RBFOX1: variants seen among roughly 807,000 people sequenced by gnomAD.
RBFOX1 encodes the protein RNA binding protein fox-1 homolog 1.
RBFOX1 carries 8 observed loss-of-function variants against 57.7 expected under a neutral mutation model. That is an observed-to-expected ratio of 0.14 (90% CI 0.08 to 0.25). The LOEUF (loss-of-function observed/expected upper bound fraction) is 0.25. Ranked by LOEUF, RBFOX1 falls within the 10% of genes least tolerant of loss-of-function variation. The pLI is 1.00. For missense variants in RBFOX1, 611 were observed against 548.5 expected, an observed-to-expected ratio of 1.11 and a Z score of -1.14; for synonymous variants, 326 against 222.4, an observed-to-expected ratio of 1.47 and a Z score of -4.15.
chr16:5,921,250 CAT>C (rs1415790851), intron 4 of RBFOX1, among the ~76,000 whole-genome samples: 7 of 152,212 alleles, frequency 4.6e-5, no homozygotes, highest in African/African-American at 1.4e-4. Context: ...TGTAGCTTCT[CAT>C]GTGACCAGGA....
intron 4 of RBFOX1, among the ~76,000 whole-genome samples, chr16:7,188,064 G>C (rs1026562972): frequency 6.6e-6 from 1 of 152,062 alleles, no homozygotes; most frequent in Non-Finnish European, 1.5e-5. Context: ...ACTTTTCTCT[G>C]TTTCTCACAT....
intron 1 of RBFOX1, among the ~76,000 whole-genome samples, chr16:6,061,217 A>G (rs112615143): frequency 2.0e-5 from 3 of 152,244 alleles, no homozygotes; most frequent in African/African-American, 7.2e-5. Flanking sequence ...GGGACCCACT[A>G]TAGCAATTGA....
chr16:7,564,140 A>C (rs1264595742), intron 5 of RBFOX1, among the ~76,000 whole-genome samples: 1 of 152,074 alleles, frequency 6.6e-6, no homozygotes. Flanking sequence ...TTTGGAAGGT[A>C]ATTAGGTTAA....
At chr16:6,456,215 A>G (rs1047448771) in intron 2 of RBFOX1, among the ~76,000 whole-genome samples, 1 of 152,162 alleles carries the variant, frequency 6.6e-6, no homozygotes, top group Non-Finnish European at 1.5e-5. Flanking sequence ...AGAATTATGT[A>G]TTTCTGTAAA....
intron 3 of RBFOX1, among the ~76,000 whole-genome samples, chr16:5,616,397 C>T (rs906606288): frequency 1.4e-4 from 22 of 152,176 alleles, no homozygotes; most frequent in Non-Finnish European, 2.1e-4. Context: ...GAGGTCCAGG[C>T]GCTGCTCCTG....
At chr16:7,038,073 C>G (rs2045060436) in intron 3 of RBFOX1, among the ~76,000 whole-genome samples, 2 of 151,900 alleles carry the variant, frequency 1.3e-5, no homozygotes, top group Admixed American at 6.6e-5. Context: ...TATGTAAATC[C>G]CCCACTTGCC....
At chr16:6,971,793 G>T (rs963760900) in intron 3 of RBFOX1, among the ~76,000 whole-genome samples, 1 of 152,052 alleles carries the variant, frequency 6.6e-6, no homozygotes, top group Non-Finnish European at 1.5e-5. Flanking sequence ...GCTTCTGTTG[G>T]GTGTGGAGGG....
intron 3 of RBFOX1, among the ~76,000 whole-genome samples, chr16:6,920,265 T>A (rs2074173211): frequency 6.6e-6 from 1 of 152,136 alleles, no homozygotes; most frequent in Non-Finnish European, 1.5e-5. Flanking sequence ...TTTTTTTATA[T>A]GACTTCTTTC....
intron 3 of RBFOX1, among the ~76,000 whole-genome samples, chr16:6,738,467 A>G (rs2071077518): frequency 6.6e-6 from 1 of 152,172 alleles, no homozygotes; most frequent in African/African-American, 2.4e-5. Flanking sequence ...GTATCGAATA[A>G]AAGAGCTGTA....
At chr16:6,519,726 G>C (rs984042843) in intron 2 of RBFOX1, among the ~76,000 whole-genome samples, 4 of 152,092 alleles carry the variant, frequency 2.6e-5, no homozygotes, top group African/African-American at 9.7e-5. Context: ...AGAAAACTCT[G>C]CGAGAACTAC....
chr16:7,373,925 G>A (rs1165572869), intron 4 of RBFOX1, among the ~76,000 whole-genome samples: 7 of 152,160 alleles, frequency 4.6e-5, no homozygotes, highest in South Asian at 4.1e-4. Flanking sequence ...TAGGCTCCTC[G>A]TAGCAGCCCT....
Position 7,653,800 on chromosome 16 carries a change from C to CT in RBFOX1, c.758-15_758-14insT. 3 of 1,607,596 alleles carry CT rather than the reference C, an allele frequency of 1.9e-6. No individual in the cohort carries two copies. Among genetic ancestry groups the CT allele is most frequent in the Non-Finnish European group, 1.7e-6 (2 of 1,179,414 alleles). On this transcript the variant is annotated splice_polypyrimidine_tract_variant and intron_variant, in intron 11 of 15. Coordinates refer to ENST00000550418, the MANE Select transcript of RBFOX1 (RefSeq NM_018723.4). ...CAGCCTGTGCTCTCTCTCTCTCTCT[C>CT]CTCTTGCCCCGCAGTGCCAGGCTTC...
intron 4 of RBFOX1, among the ~76,000 whole-genome samples, chr16:7,489,515 ATT>A (rs33967711): frequency 6.6e-6 from 1 of 150,400 alleles, no homozygotes; most frequent in South Asian, 2.1e-4. Context: ...TATTATTATT[ATT>A]TTTTTTTTGA....
At chr16:6,829,380 C>G (rs1374999443) in intron 3 of RBFOX1, among the ~76,000 whole-genome samples, 1 of 150,748 alleles carries the variant, frequency 6.6e-6, no homozygotes, top group Non-Finnish European at 1.5e-5. Flanking sequence ...CACATACATA[C>G]ACAGACACAC....
chr16:6,881,040 C>T (rs2062833991), intron 3 of RBFOX1, among the ~76,000 whole-genome samples: 1 of 152,222 alleles, frequency 6.6e-6, no homozygotes, highest in South Asian at 2.1e-4. Context: ...CCTTCCCCTC[C>T]TATGCCTGTG....
At chr16:6,123,246 C>T (rs765950175) in intron 1 of RBFOX1, among the ~76,000 whole-genome samples, 20 of 152,170 alleles carry the variant, frequency 1.3e-4, no homozygotes, top group Non-Finnish European at 2.6e-4. Flanking sequence ...AAGGTGGAAA[C>T]AACCCAAATG....
At chr16:6,150,841 C>A (rs898357977) in intron 1 of RBFOX1, among the ~76,000 whole-genome samples, 3 of 152,176 alleles carry the variant, frequency 2.0e-5, no homozygotes, top group Non-Finnish European at 4.4e-5. Context: ...GTTTTCCTCA[C>A]CTGAGACCAT....
intron 2 of RBFOX1, among the ~76,000 whole-genome samples, chr16:6,631,125 T>A (rs1567959421): frequency 6.6e-6 from 1 of 151,842 alleles, no homozygotes; most frequent in Non-Finnish European, 1.5e-5. Context: ...ATTACTAACA[T>A]GAAAAGGCAG....
intron 2 of RBFOX1, among the ~76,000 whole-genome samples, chr16:5,553,296 G>C (rs2045536150): frequency 6.6e-6 from 1 of 151,092 alleles, no homozygotes; most frequent in East Asian, 1.9e-4. Flanking sequence ...AAAAAAGTAA[G>C]GTGTATGCCA....
Sources: gnomAD v4.1 joint callset for allele counts (sites outside exome capture counted in the v4.1 genomes callset) on GRCh38, gnomAD v4.1.1 for gene constraint, MANE v1.5 for transcripts, NCBI Gene and HGNC (gene_info 2026-07-23, HGNC 2026-07-21) for gene names.